RBFOX3: variants seen among roughly 807,000 people sequenced by gnomAD.
The protein encoded by RBFOX3 is RNA binding protein fox-1 homolog 3.
RBFOX3 carries 17 observed loss-of-function variants against 48.7 expected under a neutral mutation model. The ratio of observed to expected loss-of-function variants is 0.35; its 90% CI spans 0.24 to 0.52. The LOEUF is 0.52. Ranked by LOEUF, RBFOX3 falls within the 20% of genes least tolerant of loss-of-function variation. The pLI is 0.94. For synonymous variants in RBFOX3, 212 were observed against 209.5 expected (o/e 1.01, Z -0.10); for missense variants, 382 against 497.5 (o/e 0.77, Z 2.21).
chr17:79,159,965 C>T (rs149896484), intron 4 of RBFOX3, among the ~76,000 whole-genome samples: 151 of 152,336 alleles, frequency 9.9e-4, no homozygotes, highest in Non-Finnish European at 1.7e-3. Context: ...ACCGTTGATA[C>T]AGCCCCCACT....
intron 2 of RBFOX3, among the ~76,000 whole-genome samples, chr17:79,410,392 G>A (rs1187894137): frequency 6.6e-6 from 1 of 152,124 alleles, no homozygotes; most frequent in African/African-American, 2.4e-5. Context: ...ACATCTCCAA[G>A]TTCTTCAGCC....
chr17:79,191,766 C>T (rs2054575715), intron 4 of RBFOX3, among the ~76,000 whole-genome samples: 1 of 152,144 alleles, frequency 6.6e-6, no homozygotes, highest in Non-Finnish European at 1.5e-5. Context: ...CAGACGGTAA[C>T]CTACAGACTC....
chr17:79,579,787 G>A (rs1259183567), intron 1 of RBFOX3, among the ~76,000 whole-genome samples: 1 of 142,710 alleles, frequency 7.0e-6, no homozygotes, highest in Non-Finnish European at 1.5e-5. Context: ...CGTGGTGGGG[G>A]TGTCACTGGC....
At chr17:79,546,669 A>ATTTTTT (rs34998319) in intron 1 of RBFOX3, among the ~76,000 whole-genome samples, 32 of 121,790 alleles carry the variant, frequency 2.6e-4, no homozygotes, top group African/African-American at 9.9e-4. Flanking sequence ...TCCTCATTCT[A>ATTTTTT]TTTTTTTTTT....
the RBFOX3 span, among the ~76,000 whole-genome samples, chr17:79,647,971 G>A: frequency 1.3e-5 from 2 of 151,970 alleles, no homozygotes; most frequent in South Asian, 4.2e-4. Context: ...GAGCCCACCT[G>A]GGGGTGCAGT....
chr17:79,385,523 G>C (rs1243707724), intron 2 of RBFOX3, among the ~76,000 whole-genome samples: 1 of 152,170 alleles, frequency 6.6e-6, no homozygotes, highest in Non-Finnish European at 1.5e-5. Flanking sequence ...ACAGTGATCA[G>C]AGCTGCTGGC....
At chr17:79,410,162 C>T (rs766628608) in intron 2 of RBFOX3, among the ~76,000 whole-genome samples, 1 of 152,230 alleles carries the variant, frequency 6.6e-6, no homozygotes, top group Non-Finnish European at 1.5e-5. Context: ...CAATGCTAGA[C>T]GGCCCCCTGC....
At position 79,358,530 on chromosome 17, in the gene RBFOX3, G is replaced by A. The variant is rs1178399286; in HGVS notation, c.-174-50706C>T. On this transcript the variant is annotated intron_variant, in intron 2 of 14. Transcript: ENST00000693108. ...GGCTGGAGTGCAGTGGCATGATCTC[G>A]GCTTGCTGCAACCTCTACCTCCCGG... Among the ~76,000 whole-genome samples the A allele has an allele frequency of 3.3e-5, 5 of 152,078 alleles. No homozygotes were observed. The East Asian group carries it at 7.7e-4, about 24-fold the overall frequency.
At chr17:79,582,010 G>A (rs2093076826) in intron 1 of RBFOX3, among the ~76,000 whole-genome samples, 1 of 148,220 alleles carries the variant, frequency 6.7e-6, no homozygotes, top group South Asian at 2.1e-4. Flanking sequence ...GCCCGTGTAT[G>A]TGCCTGTGCG....
intron 1 of RBFOX3, among the ~76,000 whole-genome samples, chr17:79,609,571 G>A (rs2093922936): frequency 6.6e-6 from 1 of 152,178 alleles, no homozygotes; most frequent in African/African-American, 2.4e-5. Context: ...GAACGGAAAG[G>A]GGAGGGGGAG....
intron 5 of RBFOX3, among the ~76,000 whole-genome samples, chr17:79,110,490 A>G (rs2030759179): frequency 6.6e-6 from 1 of 152,176 alleles, no homozygotes; most frequent in South Asian, 2.1e-4. Context: ...GTTGGCACGG[A>G]ACCAAGCTGT....
intron 4 of RBFOX3, among the ~76,000 whole-genome samples, chr17:79,159,858 C>T (rs1014110244): frequency 6.6e-6 from 1 of 152,254 alleles, no homozygotes; most frequent in Admixed American, 6.5e-5. Context: ...ACTCCCACCT[C>T]CCTCATAGGA....
intron 2 of RBFOX3, among the ~76,000 whole-genome samples, chr17:79,326,054 T>C (rs2079262308): frequency 2.0e-5 from 3 of 152,138 alleles, no homozygotes; most frequent in Admixed American, 2.0e-4. Context: ...CATCCTTTCC[T>C]ACCACCGAAA....
chr17:79,521,606 T>C (rs1480660182), intron 1 of RBFOX3, among the ~76,000 whole-genome samples: 2 of 151,688 alleles, frequency 1.3e-5, no homozygotes, highest in Non-Finnish European at 2.9e-5. Context: ...TGCAGACACG[T>C]GTAGACACAC....
intron 2 of RBFOX3, among the ~76,000 whole-genome samples, chr17:79,397,821 G>A (rs1365804487): frequency 6.6e-6 from 1 of 152,170 alleles, no homozygotes; most frequent in Non-Finnish European, 1.5e-5. Flanking sequence ...GCGGTGGGCA[G>A]GGGAGGTGTC....
At chr17:79,122,119 C>T (rs1351650080) in intron 4 of RBFOX3, among the ~76,000 whole-genome samples, 3 of 152,094 alleles carry the variant, frequency 2.0e-5, no homozygotes, top group Non-Finnish European at 2.9e-5. Context: ...TTGGCCCACA[C>T]ACCACAAACA....
chr17:79,155,414 C>T (rs1043888460), intron 4 of RBFOX3, among the ~76,000 whole-genome samples: 7 of 152,378 alleles, frequency 4.6e-5, no homozygotes, highest in South Asian at 2.1e-4. Flanking sequence ...AGGTCCGGGG[C>T]GGCAGGCTCC....
chr17:79,419,681 T>C (rs1344705150), intron 2 of RBFOX3, among the ~76,000 whole-genome samples: 3 of 152,176 alleles, frequency 2.0e-5, no homozygotes, highest in Non-Finnish European at 4.4e-5. Flanking sequence ...CCCCTCACAA[T>C]GTGGTTGTGA....
At chr17:79,386,999 C>T (rs1422255983) in intron 2 of RBFOX3, among the ~76,000 whole-genome samples, 1 of 152,200 alleles carries the variant, frequency 6.6e-6, no homozygotes, top group Non-Finnish European at 1.5e-5. Flanking sequence ...TTGCAGAATT[C>T]TTTTTCACTA....
Sources: gnomAD v4.1 joint callset for allele counts (sites outside exome capture counted in the v4.1 genomes callset) on GRCh38, gnomAD v4.1.1 for gene constraint, MANE v1.5 for transcripts, NCBI Gene and HGNC (gene_info 2026-07-23, HGNC 2026-07-21) for gene names.